The following GRID1 variants were observed in gnomAD, a reference collection of about 807,000 sequenced individuals.
The protein encoded by GRID1 is glutamate receptor ionotropic, delta-1.
Under a neutral mutation model 98.0 loss-of-function variants are expected in GRID1, and 28 were observed. That is an observed-to-expected ratio of 0.29 (90% CI 0.21 to 0.39). The LOEUF is 0.39. GRID1 is among the 10% of genes least tolerant of loss of function. The pLI, the probability that GRID1 is intolerant of heterozygous loss-of-function variation, is 1.00. For missense variants in GRID1, 1,111 were observed against 1,340.5 expected (o/e 0.83, Z 2.67); for synonymous variants, 553 against 538.5 (o/e 1.03, Z -0.37).
chr10:85,785,412 T>G (rs1842418734), intron 8 of GRID1, among the ~76,000 whole-genome samples: 1 of 152,198 alleles, frequency 6.6e-6, no homozygotes, highest in South Asian at 2.1e-4. Context: ...TAAGATGAAT[T>G]CCACGGACGC....
At chr10:85,646,914 CCT>C in intron 13 of GRID1, 1 of 448,870 alleles carries the variant, frequency 2.2e-6, no homozygotes. Flanking sequence ...GGTGGACAGG[CCT>C]CTCTGTGTCA....
rs74610435 is a variant in GRID1, at chr10:85,808,430, A to G, written c.1233+46066T>C. On this transcript the variant is annotated intron_variant, in intron 8 of 15. Coordinates refer to ENST00000327946, the MANE Select transcript of GRID1 (RefSeq NM_017551.3). ...AATTGCAAACTCTTGGATGACTCCT[A>G]TGACACGTAACTAGCTTGCAAAAAG... Among the ~76,000 whole-genome samples the G allele has an allele frequency of 3.1e-4, 47 of 152,344 alleles. No homozygotes were observed. The East Asian group carries it at 8.1e-3, about 26-fold the overall frequency.
At chr10:86,099,490 G>A (rs1844265023) in intron 4 of GRID1, among the ~76,000 whole-genome samples, 1 of 151,808 alleles carries the variant, frequency 6.6e-6, no homozygotes. Context: ...CCACGACCCA[G>A]GCCCCTTGTC....
chr10:85,952,758 T>C (rs1241545282), intron 4 of GRID1, among the ~76,000 whole-genome samples: 1 of 152,152 alleles, frequency 6.6e-6, no homozygotes, highest in African/African-American at 2.4e-5. Context: ...TCTAGGCTAT[T>C]ATCTTGGGAG....
chr10:86,312,892 T>A (rs1847850876), intron 2 of GRID1, among the ~76,000 whole-genome samples: 1 of 152,178 alleles, frequency 6.6e-6, no homozygotes, highest in Non-Finnish European at 1.5e-5. Context: ...CCCAAGAGGC[T>A]CTGCAGCACA....
At chr10:85,808,614 T>A (rs2131742979) in intron 8 of GRID1, among the ~76,000 whole-genome samples, 1 of 152,144 alleles carries the variant, frequency 6.6e-6, no homozygotes, top group Admixed American at 6.5e-5. Flanking sequence ...ATAAGGGAGG[T>A]TATGCCTTCA....
At chr10:85,616,070 C>T (rs983136274) in intron 14 of GRID1, among the ~76,000 whole-genome samples, 7 of 152,170 alleles carry the variant, frequency 4.6e-5, no homozygotes, top group African/African-American at 1.7e-4. Flanking sequence ...ACCGTTAGCT[C>T]GAGATCCAGC....
intron 5 of GRID1, among the ~76,000 whole-genome samples, chr10:85,878,575 G>C (rs955645217): frequency 6.6e-6 from 1 of 152,138 alleles, no homozygotes; most frequent in African/African-American, 2.4e-5. Flanking sequence ...AATGCTGAGA[G>C]ATTTTGTCAC....
intron 8 of GRID1, among the ~76,000 whole-genome samples, chr10:85,820,953 C>T (rs1842764341): frequency 6.6e-6 from 1 of 152,120 alleles, no homozygotes; most frequent in Non-Finnish European, 1.5e-5. Context: ...CACATGAAGA[C>T]ATTTTTTACA....
chr10:86,051,052 T>C (rs961062102), intron 4 of GRID1, among the ~76,000 whole-genome samples: 2 of 151,470 alleles, frequency 1.3e-5, no homozygotes, highest in Admixed American at 6.6e-5. Context: ...CACTCCAGCC[T>C]GGGCAACCAG....
intron 4 of GRID1, among the ~76,000 whole-genome samples, chr10:85,930,010 C>T (rs1841826867): frequency 6.6e-6 from 1 of 152,120 alleles, no homozygotes; most frequent in Non-Finnish European, 1.5e-5. Flanking sequence ...GTATTGACTC[C>T]ATTATGGTTA....
At chr10:85,952,246 A>G (rs2131844216) in intron 4 of GRID1, among the ~76,000 whole-genome samples, 1 of 152,344 alleles carries the variant, frequency 6.6e-6, no homozygotes, top group Non-Finnish European at 1.5e-5. Context: ...AGAGGGGCAC[A>G]TGTTACGACA....
intron 3 of GRID1, among the ~76,000 whole-genome samples, chr10:86,178,395 G>A (rs1429476667): frequency 2.6e-5 from 4 of 152,174 alleles, no homozygotes; most frequent in African/African-American, 9.7e-5. Flanking sequence ...GCAAGGCTGG[G>A]TGACAGCAAG....
At chr10:85,745,797 G>C (rs1029651160) in intron 8 of GRID1, among the ~76,000 whole-genome samples, 5 of 151,578 alleles carry the variant, frequency 3.3e-5, no homozygotes, top group African/African-American at 1.2e-4. Flanking sequence ...AGACAATGCA[G>C]AATAAGAGAG....
chr10:85,735,721 A>G (rs185534807), intron 8 of GRID1, among the ~76,000 whole-genome samples: 1 of 152,228 alleles, frequency 6.6e-6, no homozygotes. Flanking sequence ...TTACTGTTTT[A>G]CAGCCCAGAG....
chr10:86,265,799 G>A (rs1044431514), intron 2 of GRID1, among the ~76,000 whole-genome samples: 22 of 152,244 alleles, frequency 1.4e-4, no homozygotes, highest in Non-Finnish European at 2.6e-4. Context: ...GGCATCAAAC[G>A]AATCAATCTT....
At chr10:85,773,584 C>A (rs1275454271) in intron 8 of GRID1, among the ~76,000 whole-genome samples, 4 of 152,170 alleles carry the variant, frequency 2.6e-5, no homozygotes, top group Non-Finnish European at 5.9e-5. Flanking sequence ...CCCATTGTCT[C>A]AGCCCAAAAT....
intron 4 of GRID1, among the ~76,000 whole-genome samples, chr10:86,099,642 ACATC>A (rs1237976873): frequency 6.6e-6 from 1 of 152,158 alleles, no homozygotes; most frequent in African/African-American, 2.4e-5. Context: ...AAATTTCCCC[ACATC>A]CCATCCATCA....
In GRID1 at chr10:85,916,501, C is replaced by T. The variant is rs975788706; in HGVS notation, c.727-262G>A. Among the ~76,000 whole-genome samples, 9 of 152,202 alleles carry T rather than the reference C, an allele frequency of 5.9e-5. No individual in the cohort carries two copies. The East Asian group carries it at 1.7e-3, about 29-fold the overall frequency. ...TAGACGCTTGGGTTCCTGCAGGCAG[C>T]ACAGGGTCACAGGCACAGGCACAGG... is the stretch of plus-strand genomic sequence containing the variant. On this transcript the variant is annotated intron_variant, in intron 4 of 15. Transcript: ENST00000327946. This position sits in a 1 kb window ranked among gnomAD's most constrained non-coding sequence, Gnocchi z 4.0.
Sources: allele counts gnomAD v4.1 joint callset (sites outside exome capture counted in the v4.1 genomes callset), GRCh38; gene constraint gnomAD v4.1.1; non-coding constraint Gnocchi (gnomAD v3.1); transcripts MANE v1.5; gene names NCBI Gene and HGNC (gene_info 2026-07-23, HGNC 2026-07-21).